The following RASAL2 variants were observed in gnomAD, a reference collection of about 807,000 sequenced individuals.
RASAL2 encodes ras GTPase-activating protein nGAP.
A neutral mutation model predicts 128.9 loss-of-function variants in RASAL2; 58 were observed. The observed-to-expected ratio is 0.45, with a 90% confidence interval of 0.36 to 0.56. The LOEUF (loss-of-function observed/expected upper bound fraction) is 0.56. Ranked by LOEUF, RASAL2 falls within the 20% of genes least tolerant of loss-of-function variation. The pLI, the probability that RASAL2 is intolerant of heterozygous loss-of-function variation, is 0.00. For missense variants in RASAL2, 1,360 were observed against 1,601.6 expected (o/e 0.85, Z 2.57); for synonymous variants, 561 against 580.8 (o/e 0.97, Z 0.49).
intron 3 of RASAL2, among the ~76,000 whole-genome samples, chr1:178,343,381 T>C (rs1165609359): frequency 2.0e-5 from 3 of 152,330 alleles, no homozygotes; most frequent in South Asian, 2.1e-4. Context: ...TTAAGAGGAC[T>C]GATGGCTGTG....
chr1:178,128,061 T>C (rs1659963982), intron 1 of RASAL2, among the ~76,000 whole-genome samples: 1 of 152,064 alleles, frequency 6.6e-6, no homozygotes, highest in African/African-American at 2.4e-5. Flanking sequence ...AAAGATACTG[T>C]AGTTCAATTC....
intron 5 of RASAL2, among the ~76,000 whole-genome samples, chr1:178,431,932 T>C (rs1675936967): frequency 6.7e-6 from 1 of 149,280 alleles, no homozygotes; most frequent in Non-Finnish European, 1.5e-5. Context: ...ATGCTATATA[T>C]TACATACTTT....
chr1:178,142,214 C>T (rs542801533), intron 1 of RASAL2, among the ~76,000 whole-genome samples: 8 of 152,048 alleles, frequency 5.3e-5, no homozygotes, highest in East Asian at 1.9e-4. Flanking sequence ...GACTCGAGTG[C>T]GATGTATCCA....
At chr1:178,196,779 C>T (rs1334089885) in intron 1 of RASAL2, among the ~76,000 whole-genome samples, 1 of 152,114 alleles carries the variant, frequency 6.6e-6, no homozygotes, top group Non-Finnish European at 1.5e-5. Context: ...TCAAGTGAGA[C>T]CTCATAAGAG....
At chr1:178,239,062 A>T (rs1664383064) in intron 1 of RASAL2, among the ~76,000 whole-genome samples, 1 of 152,178 alleles carries the variant, frequency 6.6e-6, no homozygotes, top group African/African-American at 2.4e-5. Flanking sequence ...GAAATGTCTT[A>T]AAAAAATTTT....
chr1:178,377,262 C>T (rs986360202), intron 3 of RASAL2, among the ~76,000 whole-genome samples: 4 of 151,928 alleles, frequency 2.6e-5, no homozygotes, highest in African/African-American at 7.2e-5. Context: ...GAAACATATT[C>T]AAAAATTGAA....
intron 3 of RASAL2, among the ~76,000 whole-genome samples, chr1:178,371,127 G>T (rs911752934): frequency 1.3e-5 from 2 of 151,158 alleles, no homozygotes; most frequent in Non-Finnish European, 2.9e-5. Context: ...ATTTTTCTCT[G>T]CCTGGTAATA....
intron 3 of RASAL2, among the ~76,000 whole-genome samples, chr1:178,330,530 T>C (rs868131518): frequency 1.3e-5 from 2 of 152,210 alleles, no homozygotes; most frequent in South Asian, 4.1e-4. Flanking sequence ...GAGTTCTTTT[T>C]GACAAAGTTA....
intron 3 of RASAL2, among the ~76,000 whole-genome samples, chr1:178,349,497 A>G (rs1430135416): frequency 6.6e-6 from 1 of 152,108 alleles, no homozygotes; most frequent in Non-Finnish European, 1.5e-5. Flanking sequence ...TGAATAGGTT[A>G]GATGAGGAAA....
At chr1:178,301,040 G>A (rs767869678) in intron 3 of RASAL2, among the ~76,000 whole-genome samples, 5 of 152,106 alleles carry the variant, frequency 3.3e-5, no homozygotes, top group Admixed American at 1.3e-4. Flanking sequence ...ATTTTGGAGG[G>A]GGTTGCCTTT....
At chr1:178,310,592 A>G (rs1366994828) in intron 3 of RASAL2, among the ~76,000 whole-genome samples, 1 of 151,738 alleles carries the variant, frequency 6.6e-6, no homozygotes, top group Non-Finnish European at 1.5e-5. Flanking sequence ...TTTTTTTTCG[A>G]TTGGGACATC....
intron 1 of RASAL2, among the ~76,000 whole-genome samples, chr1:178,144,041 A>G (rs1354597674): frequency 3.9e-5 from 6 of 152,060 alleles, no homozygotes. Context: ...TGAATGTCTC[A>G]AGAGTTGTGT....
At chr1:178,344,668 T>TATCA (rs1670055518) in intron 3 of RASAL2, among the ~76,000 whole-genome samples, 1 of 152,216 alleles carries the variant, frequency 6.6e-6, no homozygotes, top group Non-Finnish European at 1.5e-5. Context: ...GTTCCCTGTA[T>TATCA]ATCAGTTGTA....
At chr1:178,456,453 T>C in intron 12 of RASAL2, 1 of 530,552 alleles carries the variant, frequency 1.9e-6, no homozygotes, top group Non-Finnish European at 3.4e-6. Context: ...GAGCATGTCT[T>C]TTAATTTTTA....
At chr1:178,290,710 A>G (rs142032742) in intron 2 of RASAL2, among the ~76,000 whole-genome samples, 57 of 152,036 alleles carry the variant, frequency 3.7e-4, no homozygotes, top group African/African-American at 1.2e-3. Context: ...GAGTCTTGCT[A>G]TGTCACCCAG....
rs775491324 is a variant in RASAL2 at position 178,457,770 on chromosome 1, C to G, written c.2478C>G (p.Ser826=). ...GKTLLLVQQA[S]SQSMTYSEKD... ...CATTATTGCTGGTTCAGCAAGCCTCCTCTCAGAGCATGACTTATTCTGAAA... is the reference window on the plus strand; with the variant it reads ...CATTATTGCTGGTTCAGCAAGCCTCGTCTCAGAGCATGACTTATTCTGAAA... Residue 826 remains serine (S), a synonymous_variant, in exon 14 of 18, where the codon TCC becomes TCG. Transcript: ENST00000367649. The G allele has an allele frequency of 4.3e-6, 7 of 1,614,124 alleles. No homozygotes were observed. The highest frequency in any genetic ancestry group is 1.6e-4 in the Middle Eastern group (1 of 6,084).
intron 3 of RASAL2, among the ~76,000 whole-genome samples, chr1:178,314,701 T>C (rs1445011051): frequency 2.0e-5 from 3 of 152,216 alleles, no homozygotes; most frequent in African/African-American, 4.8e-5. Flanking sequence ...GCTTGTTCAA[T>C]ACTAGTTGTA....
chr1:178,402,465 G>T (rs1228137934), intron 4 of RASAL2, among the ~76,000 whole-genome samples: 1 of 151,642 alleles, frequency 6.6e-6, no homozygotes, highest in Non-Finnish European at 1.5e-5. Flanking sequence ...TAATATTTTG[G>T]TGCCAAATTT....
At chr1:178,297,607 CAAA>C (rs34825546) in intron 2 of RASAL2, among the ~76,000 whole-genome samples, 3 of 57,186 alleles carry the variant, frequency 5.2e-5, no homozygotes, top group Non-Finnish European at 7.9e-5. Flanking sequence ...GACTCCATCT[CAAA>C]AAAAAAAAAA....
Sources: gnomAD v4.1 joint callset for allele counts (sites outside exome capture counted in the v4.1 genomes callset) on GRCh38, gnomAD v4.1.1 for gene constraint, MANE v1.5 for transcripts, NCBI Gene and HGNC (gene_info 2026-07-23, HGNC 2026-07-21) for gene names.